The following ADAMTS17 variants were observed in gnomAD, a reference collection of about 807,000 sequenced individuals.
ADAMTS17 encodes ADAM metallopeptidase with thrombospondin type 1 motif 17, also known as A disintegrin and metalloproteinase with thrombospondin motifs 17.
Under a neutral mutation model 141.5 loss-of-function variants are expected in ADAMTS17, and 113 were observed. The observed-to-expected ratio is 0.80, with a 90% CI of 0.69 to 0.93. ADAMTS17 has a LOEUF of 0.93. Ranked by LOEUF, ADAMTS17 falls within the 40% of genes least tolerant of loss-of-function variation. ADAMTS17 has a pLI of 0.00. For synonymous variants in ADAMTS17, 768 were observed against 630.6 expected, an observed-to-expected ratio of 1.22 and a Z score of -3.27; for missense variants, 1,659 against 1,517.9, an observed-to-expected ratio of 1.09 and a Z score of -1.54.
rs898857177 is a variant in ADAMTS17 at position 100,299,320 on chromosome 15, C to T, written c.617-17919G>A. Among the ~76,000 whole-genome samples, 66 of 151,822 alleles carry T rather than the reference C, an allele frequency of 4.3e-4. 1 individual carries two copies. Among genetic ancestry groups the T allele is most frequent in the Admixed American group, 4.3e-3 (65 of 15,262 alleles). On this transcript the variant is annotated intron_variant, in intron 3 of 21. Coordinates refer to ENST00000268070, the MANE Select transcript of ADAMTS17 (RefSeq NM_139057.4). ...TGTGTGTGTGTAACCGCCGTCAGGA[C>T]AGTCGGGGGACTCGCAGGCAGGACA...
chr15:100,141,951 G>A lies in ADAMTS17; in HGVS notation c.1474-8636C>T, dbSNP rs187454981. ...CCTGAGAGGGGCAAGGCCAGGCTCC[G>A]GGACCCCGCCAGCCACCCATTCTGG... On this transcript the variant is annotated intron_variant, in intron 10 of 21. Transcript: ENST00000268070. Among the ~76,000 whole-genome samples the A allele has an allele frequency of 1.9e-3, 287 of 152,316 alleles. 3 individuals are homozygous for A. The highest frequency in any genetic ancestry group is 2.4e-3 in the Non-Finnish European group (166 of 68,032).
intron 8 of ADAMTS17, among the ~76,000 whole-genome samples, chr15:100,171,977 A>G (rs115689823): frequency 0.012 from 1,886 of 152,308 alleles, 34 homozygotes; most frequent in African/African-American, 0.042. Context: ...TGAAAAGCAC[A>G]TAAGAAATCA....
intron 15 of ADAMTS17, among the ~76,000 whole-genome samples, chr15:100,054,943 T>C (rs558579623): frequency 1.3e-5 from 2 of 152,322 alleles, no homozygotes; most frequent in South Asian, 4.1e-4. Context: ...GAAGATCATG[T>C]GGTTCTCATG....
At chr15:99,999,076 C>T (rs973082497) in intron 18 of ADAMTS17, among the ~76,000 whole-genome samples, 3 of 152,184 alleles carry the variant, frequency 2.0e-5, no homozygotes, top group Non-Finnish European at 2.9e-5. Context: ...TCTCGCTTTC[C>T]GGTCCCAGCT....
intron 3 of ADAMTS17, among the ~76,000 whole-genome samples, chr15:100,301,183 C>T (rs1327442207): frequency 6.6e-6 from 1 of 152,178 alleles, no homozygotes; most frequent in Non-Finnish European, 1.5e-5. Flanking sequence ...TGTGCTTTTA[C>T]ATTAACTTTT....
chr15:100,148,488 T>C (rs1200978361), intron 10 of ADAMTS17, among the ~76,000 whole-genome samples: 1 of 152,098 alleles, frequency 6.6e-6, no homozygotes, highest in African/African-American at 2.4e-5. Flanking sequence ...TTGAAAGATA[T>C]TTTTGCTGGG....
At position 99,974,524 on chromosome 15, in the gene ADAMTS17, C is replaced by G. The variant is rs1596124830; in HGVS notation, c.3166G>C (p.Val1056Leu). The change falls in exon 22 of 22, where the codon GTA (valine) becomes CTA (leucine). Residue 1056 changes from valine (V) to leucine (L), a missense_variant. Val to Leu is a conservative substitution (Grantham distance 32). Coordinates refer to ENST00000268070, the MANE Select transcript of ADAMTS17 (RefSeq NM_139057.4). ...TTTTCTCGGATGACCCGGCAATATA[C>G]CGTCCACTGGTCTCGTGTGCATTTG... ...TYKCTRDQWT[V>L]YCRVIREKNL... The G allele has an allele frequency of 6.2e-7, 1 of 1,614,222 alleles. No individual in the cohort carries two copies. Among genetic ancestry groups the G allele is most frequent in the Non-Finnish European group, 8.5e-7 (1 of 1,180,022 alleles).
chr15:100,312,567 T>A (rs1291595280), intron 3 of ADAMTS17, among the ~76,000 whole-genome samples: 1 of 152,178 alleles, frequency 6.6e-6, no homozygotes, highest in Non-Finnish European at 1.5e-5. Context: ...AATGCCTGAG[T>A]CTTGCCTTCC....
intron 15 of ADAMTS17, chr15:100,074,147 G>T (rs78676390): frequency 6.5e-6 from 1 of 153,200 alleles, no homozygotes; most frequent in East Asian, 1.9e-4. Flanking sequence ...TAGCTTCTGA[G>T]ATCAGACAAG....
At chr15:100,044,170 T>A (rs1264685528) in intron 18 of ADAMTS17, among the ~76,000 whole-genome samples, 1 of 152,216 alleles carries the variant, frequency 6.6e-6, no homozygotes, top group Non-Finnish European at 1.5e-5. Context: ...AGTTGAAACA[T>A]GAAGATGTGA....
At chr15:100,046,097 T>C (rs970013762) in intron 18 of ADAMTS17, among the ~76,000 whole-genome samples, 5 of 152,164 alleles carry the variant, frequency 3.3e-5, no homozygotes, top group African/African-American at 1.2e-4. Flanking sequence ...GCCAGGCTGA[T>C]CTCGTACTCC....
chr15:100,220,993 C>G (rs775456756), intron 7 of ADAMTS17, among the ~76,000 whole-genome samples: 1 of 152,142 alleles, frequency 6.6e-6, no homozygotes, highest in Non-Finnish European at 1.5e-5. Flanking sequence ...AGTTTCTGCA[C>G]GGACCTATGT....
chr15:100,089,130 A>T (rs1385578909), intron 15 of ADAMTS17, among the ~76,000 whole-genome samples: 2 of 152,022 alleles, frequency 1.3e-5, no homozygotes, highest in Admixed American at 1.3e-4. Flanking sequence ...AATGAACTCA[A>T]ACAAATCTAC....
intron 9 of ADAMTS17, among the ~76,000 whole-genome samples, chr15:100,154,867 G>A (rs562820969): frequency 6.6e-6 from 1 of 152,262 alleles, no homozygotes; most frequent in Admixed American, 6.5e-5. Context: ...GGCGCCCCAA[G>A]GTGACCACAC....
intron 11 of ADAMTS17, 144 bp downstream of exon 11, chr15:100,133,067 CGGA>C (rs1230317122): frequency 1.5e-6 from 1 of 667,114 alleles, no homozygotes; most frequent in Non-Finnish European, 2.6e-6. Flanking sequence ...ACTCTGTGCC[CGGA>C]GTGGCCTCCA....
At chr15:100,041,105 C>T (rs1310765412) in intron 18 of ADAMTS17, among the ~76,000 whole-genome samples, 1 of 152,178 alleles carries the variant, frequency 6.6e-6, no homozygotes, top group Non-Finnish European at 1.5e-5. Context: ...ACAAAATATG[C>T]TTTAATAAAA....
chr15:100,195,798 T>G (rs2041095068), intron 8 of ADAMTS17, among the ~76,000 whole-genome samples: 1 of 152,188 alleles, frequency 6.6e-6, no homozygotes, highest in African/African-American at 2.4e-5. Context: ...AGTACCTTGG[T>G]TTTTGACTCT....
chr15:100,022,292 G>C (rs1389881287), intron 18 of ADAMTS17, among the ~76,000 whole-genome samples: 1 of 152,126 alleles, frequency 6.6e-6, no homozygotes, highest in Non-Finnish European at 1.5e-5. Flanking sequence ...TGCTGACTTA[G>C]CCACAGCCCC....
intron 7 of ADAMTS17, among the ~76,000 whole-genome samples, chr15:100,200,107 C>G (rs1475405256): frequency 6.6e-6 from 1 of 152,250 alleles, no homozygotes; most frequent in Non-Finnish European, 1.5e-5. Context: ...CACCAGCCCA[C>G]AAGCCAAACG....
Sources: allele counts gnomAD v4.1 joint callset (sites outside exome capture counted in the v4.1 genomes callset), GRCh38; gene constraint gnomAD v4.1.1; transcripts MANE v1.5; gene names NCBI Gene and HGNC (gene_info 2026-07-23, HGNC 2026-07-21).